The following TXNDC8 variants were observed in gnomAD, a reference collection of about 807,000 sequenced individuals.
TXNDC8 encodes thioredoxin domain containing 8, also known as thioredoxin domain-containing protein 8.
A neutral mutation model predicts 12.9 loss-of-function variants in TXNDC8; 15 were observed. The ratio of observed to expected loss-of-function variants is 1.16; its 90% CI spans 0.78 to 1.79. The LOEUF (loss-of-function observed/expected upper bound fraction) is 1.79. Among genes scored for constraint, TXNDC8 ranks in the 40% most tolerant of loss-of-function variants. TXNDC8 has a pLI of 0.00. For synonymous variants in TXNDC8, 40 were observed against 35.4 expected (o/e 1.13, Z -0.46); for missense variants, 128 against 113.2 (o/e 1.13, Z -0.59).
chr9:110,322,342 A>G, intron 3 of TXNDC8: 1 of 978,584 alleles, frequency 1.0e-6, no homozygotes, highest in Non-Finnish European at 1.2e-6. Flanking sequence ...TAATCATCTT[A>G]ATGGTTTAAT....
chr9:110,304,848 G>A (rs1838367824), intron 3 of TXNDC8, among the ~76,000 whole-genome samples: 1 of 152,060 alleles, frequency 6.6e-6, no homozygotes, highest in African/African-American at 2.4e-5. Flanking sequence ...GCCTGTTTTT[G>A]GACTTTTAAA....
intron 2 of TXNDC8, among the ~76,000 whole-genome samples, chr9:110,331,973 T>G (rs1287449665): frequency 6.6e-6 from 1 of 152,080 alleles, no homozygotes; most frequent in Non-Finnish European, 1.5e-5. Flanking sequence ...TCATATACTA[T>G]GAGTTAAAAA....
chr9:110,304,972 A>G (rs1217057993), intron 3 of TXNDC8, among the ~76,000 whole-genome samples: 1 of 151,578 alleles, frequency 6.6e-6, no homozygotes, highest in Non-Finnish European at 1.5e-5. Context: ...ACATGGCAAA[A>G]CCCCATCTCT....
chr9:110,305,081 G>A (rs1296303128), intron 3 of TXNDC8, among the ~76,000 whole-genome samples: 1 of 148,672 alleles, frequency 6.7e-6, no homozygotes, highest in East Asian at 2.0e-4. Context: ...CCAGGAGGTG[G>A]AGGTTGCAGT....
At chr9:110,320,108 T>C in intron 3 of TXNDC8, among the ~76,000 whole-genome samples, 1 of 152,354 alleles carries the variant, frequency 6.6e-6, no homozygotes, top group Non-Finnish European at 1.5e-5. Context: ...TGGAGTCAAC[T>C]TTTGATGGTT....
chr9:110,330,847 T>G (rs968820185), intron 2 of TXNDC8, among the ~76,000 whole-genome samples: 4 of 152,222 alleles, frequency 2.6e-5, no homozygotes, highest in African/African-American at 9.6e-5. Context: ...TGTTGACCCC[T>G]GCTCTTGCAT....
chr9:110,312,992 G>A (rs758484949), intron 3 of TXNDC8, among the ~76,000 whole-genome samples: 4 of 152,094 alleles, frequency 2.6e-5, no homozygotes, highest in East Asian at 1.9e-4. Flanking sequence ...TGCAACCTCC[G>A]CCACCCGGAT....
chr9:110,322,788 G>C (rs1839156851), intron 3 of TXNDC8: 1 of 985,348 alleles, frequency 1.0e-6, no homozygotes, highest in South Asian at 4.7e-5. Flanking sequence ...GCTGGCAGTG[G>C]GATGCAGGGA....
At chr9:110,327,492 T>C (rs576066116) in intron 2 of TXNDC8, among the ~76,000 whole-genome samples, 1 of 152,156 alleles carries the variant, frequency 6.6e-6, no homozygotes, top group Non-Finnish European at 1.5e-5. Context: ...CTGGCCAATT[T>C]TTGTATTTTT....
At chr9:110,314,845 T>A (rs996453465) in intron 3 of TXNDC8, among the ~76,000 whole-genome samples, 6 of 152,206 alleles carry the variant, frequency 3.9e-5, no homozygotes, top group Non-Finnish European at 8.8e-5. Flanking sequence ...TGCTCCACTC[T>A]GAAATATTAA....
chr9:110,322,238 T>C lies in TXNDC8; in HGVS notation c.195+3937A>G, dbSNP rs545654184. ...ATGCTAAGTTACTAATATTCAATGATAAATTGAATCCTCAATAAAACTTCT... is the reference window on the plus strand; with the variant it reads ...ATGCTAAGTTACTAATATTCAATGACAAATTGAATCCTCAATAAAACTTCT... On this transcript the variant is annotated intron_variant, in intron 3 of 4. Coordinates refer to ENST00000423740, the MANE Select transcript of TXNDC8 (RefSeq NM_001286946.2). Among the ~76,000 whole-genome samples the C allele has an allele frequency of 2.6e-5, 4 of 152,238 alleles. No individual in the cohort carries two copies. The South Asian group carries it at 6.2e-4, about 24-fold the overall frequency.
At position 110,334,357 on chromosome 9, in the gene TXNDC8, C is replaced by T. The variant is rs746447681; in HGVS notation, c.25-37G>A. 19 of 1,518,114 alleles carry T rather than the reference C, an allele frequency of 1.3e-5. No homozygotes were observed. The South Asian group carries it at 2.0e-4, about 16-fold the overall frequency. 94.0% of individuals were successfully genotyped at this position (1,518,114 alleles called of 1,614,324 possible). On this transcript the variant is annotated intron_variant, in intron 1 of 4. Coordinates refer to ENST00000423740, the MANE Select transcript of TXNDC8 (RefSeq NM_001286946.2). ...AAATAAATGAGGAAATGTGCATAATCACTGAATCTCATGACATTTTGTAGA... is the reference window on the plus strand; with the variant it reads ...AAATAAATGAGGAAATGTGCATAATTACTGAATCTCATGACATTTTGTAGA...
At chr9:110,330,790 C>T (rs1010420915) in intron 2 of TXNDC8, among the ~76,000 whole-genome samples, 4 of 152,164 alleles carry the variant, frequency 2.6e-5, no homozygotes, top group African/African-American at 9.7e-5. Flanking sequence ...ATCATATGGC[C>T]TGCAAAGCTG....
At chr9:110,332,466 T>C (rs1040141468) in intron 2 of TXNDC8, among the ~76,000 whole-genome samples, 5 of 152,230 alleles carry the variant, frequency 3.3e-5, no homozygotes, top group Admixed American at 2.6e-4. Context: ...TCAAAGATTG[T>C]GACTGTGGTT....
At chr9:110,328,527 C>T (rs186887580) in intron 2 of TXNDC8, among the ~76,000 whole-genome samples, 131 of 152,356 alleles carry the variant, frequency 8.6e-4, no homozygotes, top group African/African-American at 2.9e-3. Context: ...ATTAACAAGG[C>T]TGGATGCAGT....
At chr9:110,321,726 A>G (rs1587974452) in intron 3 of TXNDC8, among the ~76,000 whole-genome samples, 1 of 90,276 alleles carries the variant, frequency 1.1e-5, no homozygotes, top group African/African-American at 4.2e-5. Context: ...AGTTCTATGA[A>G]AAAAAAAAAA....
chr9:110,302,415 C>T (rs142013440), downstream of TXNDC8, among the ~76,000 whole-genome samples: 64 of 152,274 alleles, frequency 4.2e-4, no homozygotes, highest in African/African-American at 1.5e-3. Context: ...AGATTACAGG[C>T]GTGAGCCACT....
At position 110,307,903 on chromosome 9, in the gene TXNDC8, A is replaced by C. The variant is rs904836638; in HGVS notation, c.196-3371T>G. 2.6e-5 allele frequency among the ~76,000 whole-genome samples: 4 copies of C among 152,366 alleles called. No homozygotes were observed. The East Asian group carries it at 5.8e-4, about 22-fold the overall frequency. On this transcript the variant is annotated intron_variant, in intron 3 of 4. Transcript: ENST00000423740. ...GCTGTCCTCTAACCGTCTTGGGCAC[A>C]TAGCATCAGGACCTCCTGAGGCTGT...
intron 1 of TXNDC8, 74 bp from the exon 2 acceptor site, chr9:110,334,394 CAG>C (rs1287837863): frequency 5.8e-6 from 8 of 1,368,068 alleles, no homozygotes; most frequent in Non-Finnish European, 8.2e-6. Flanking sequence ...AAGAAGATGA[CAG>C]ATTAGTTTTG....
Sources: allele counts gnomAD v4.1 joint callset (sites outside exome capture counted in the v4.1 genomes callset), GRCh38; gene constraint gnomAD v4.1.1; transcripts MANE v1.5; gene names NCBI Gene and HGNC (gene_info 2026-07-23, HGNC 2026-07-21).